TBC1D1: variants seen among roughly 807,000 people sequenced by gnomAD.
TBC1D1 encodes TBC1 (tre-2/USP6, BUB2, cdc16) domain family, member 1.
Under a neutral mutation model 125.6 loss-of-function variants are expected in TBC1D1, and 89 were observed. That is an observed-to-expected ratio of 0.71 (90% CI 0.60 to 0.85). TBC1D1 has a LOEUF of 0.85. Ranked by LOEUF, TBC1D1 falls within the 40% of genes least tolerant of loss-of-function variation. The pLI, the probability that TBC1D1 is intolerant of heterozygous loss-of-function variation, is 0.00. For synonymous variants in TBC1D1, 565 were observed against 564.1 expected (o/e 1.00, Z -0.02); for missense variants, 1,377 against 1,469.2 (o/e 0.94, Z 1.03).
At chr4:38,031,915 T>A (rs1023400726) in intron 7 of TBC1D1, among the ~76,000 whole-genome samples, 2 of 152,400 alleles carry the variant, frequency 1.3e-5, no homozygotes, top group Non-Finnish European at 2.9e-5. Flanking sequence ...TATTCTTTTA[T>A]AAATTGAAGT....
intron 2 of TBC1D1, among the ~76,000 whole-genome samples, chr4:37,907,483 C>T (rs1393419220): frequency 1.3e-5 from 2 of 152,022 alleles, no homozygotes; most frequent in African/African-American, 4.8e-5. Context: ...CGGGTTCAAG[C>T]GATTCTCCTG....
chr4:38,076,847 C>T (rs548674837), intron 12 of TBC1D1, among the ~76,000 whole-genome samples: 89 of 152,156 alleles, frequency 5.8e-4, no homozygotes, highest in Non-Finnish European at 9.4e-4. Flanking sequence ...CTCCTGGGCC[C>T]GAGAGGGAAA....
At chr4:38,074,427 A>G (rs912199455) in intron 12 of TBC1D1, among the ~76,000 whole-genome samples, 1 of 152,206 alleles carries the variant, frequency 6.6e-6, no homozygotes, top group African/African-American at 2.4e-5. Context: ...TGAGCACACA[A>G]TGACCAGGCT....
At position 38,052,056 on chromosome 4, in the gene TBC1D1, A is replaced by G. The variant is rs1340985320; in HGVS notation, c.1911-2143A>G. On this transcript the variant is annotated intron_variant, in intron 11 of 19. Coordinates refer to ENST00000261439, the MANE Select transcript of TBC1D1 (RefSeq NM_015173.4). ...AGAACAAAGTGGGAATGCTGTGCCAAAGAGGTGAGCACACTCACGTGGCAA... is the reference window on the plus strand; with the variant it reads ...AGAACAAAGTGGGAATGCTGTGCCAGAGAGGTGAGCACACTCACGTGGCAA... 4 of 1,550,836 alleles carry G rather than the reference A, an allele frequency of 2.6e-6. No individual in the cohort carries two copies. In the Admixed American group the frequency reaches 7.8e-5, roughly 30 times the overall value.
chr4:38,063,787 C>T (rs1753192991), intron 12 of TBC1D1, among the ~76,000 whole-genome samples: 1 of 152,090 alleles, frequency 6.6e-6, no homozygotes. Context: ...CCCCACCAAG[C>T]CTGGCTAATT....
At chr4:38,006,593 C>A (rs1468052921) in intron 2 of TBC1D1, among the ~76,000 whole-genome samples, 1 of 151,690 alleles carries the variant, frequency 6.6e-6, no homozygotes, top group Non-Finnish European at 1.5e-5. Flanking sequence ...ATGCTCCTGC[C>A]TCAGCCTCCC....
intron 11 of TBC1D1, among the ~76,000 whole-genome samples, chr4:38,052,488 T>G (rs756892187): frequency 6.6e-6 from 1 of 151,626 alleles, no homozygotes; most frequent in East Asian, 1.9e-4. Flanking sequence ...CACGCCACCA[T>G]GCCCGGCTAA....
chr4:37,914,467 A>C (rs946578512), intron 2 of TBC1D1, among the ~76,000 whole-genome samples: 5 of 152,178 alleles, frequency 3.3e-5, no homozygotes, highest in Admixed American at 2.0e-4. Flanking sequence ...CATTGCAAAT[A>C]CACCACTTCC....
At chr4:38,135,911 CGTGTGTGT>C (rs200513658) in intron 19 of TBC1D1, among the ~76,000 whole-genome samples, 41 of 129,934 alleles carry the variant, frequency 3.2e-4, no homozygotes, top group Non-Finnish European at 4.5e-4. Context: ...TGTATATATA[CGTGTGTGT>C]GTATATGTGT....
chr4:38,043,050 C>T (rs1480839903), intron 8 of TBC1D1, among the ~76,000 whole-genome samples: 2 of 151,888 alleles, frequency 1.3e-5, no homozygotes, highest in African/African-American at 2.4e-5. Flanking sequence ...TACAGGTGTG[C>T]GCCACTACAC....
intron 8 of TBC1D1, among the ~76,000 whole-genome samples, chr4:38,039,076 T>C (rs1053683308): frequency 2.7e-5 from 4 of 149,916 alleles, no homozygotes; most frequent in Non-Finnish European, 5.9e-5. Context: ...TTGCCTGTTC[T>C]GGAATTTCTT....
At chr4:38,124,280 C>T (rs978920010) in intron 17 of TBC1D1, among the ~76,000 whole-genome samples, 5 of 152,154 alleles carry the variant, frequency 3.3e-5, no homozygotes, top group African/African-American at 9.7e-5. Flanking sequence ...GGTTGCTGCT[C>T]GGCCGCTTGC....
intron 2 of TBC1D1, among the ~76,000 whole-genome samples, chr4:37,940,669 A>G (rs1725376770): frequency 6.6e-6 from 1 of 152,142 alleles, no homozygotes; most frequent in African/African-American, 2.4e-5. Context: ...TTTGTCATAG[A>G]TAGCTCTTAT....
At chr4:38,088,973 A>G (rs1757994066) in intron 12 of TBC1D1, among the ~76,000 whole-genome samples, 1 of 152,220 alleles carries the variant, frequency 6.6e-6, no homozygotes, top group Non-Finnish European at 1.5e-5. Flanking sequence ...ACACAGTAAC[A>G]TCCTCCTATA....
intron 2 of TBC1D1, among the ~76,000 whole-genome samples, chr4:37,956,847 G>A (rs1473362833): frequency 2.6e-5 from 4 of 151,780 alleles, no homozygotes; most frequent in Non-Finnish European, 5.9e-5. Context: ...GCTGAGGCAC[G>A]AGAATCACTT....
At chr4:38,051,744 G>A (rs1323735574) in intron 11 of TBC1D1, among the ~76,000 whole-genome samples, 155 bp from the exon 12 acceptor site, 1 of 152,208 alleles carries the variant, frequency 6.6e-6, no homozygotes, top group African/African-American at 2.4e-5. Context: ...AGCGAGCAGA[G>A]ATGAGGAAAA....
chr4:38,033,527 T>G (rs879383390), intron 7 of TBC1D1, among the ~76,000 whole-genome samples: 1 of 152,226 alleles, frequency 6.6e-6, no homozygotes, highest in Non-Finnish European at 1.5e-5. Context: ...GGTTTCTTCA[T>G]TATAATTGAT....
intron 6 of TBC1D1, among the ~76,000 whole-genome samples, chr4:38,024,825 T>C (rs1560640761): frequency 6.6e-6 from 1 of 152,216 alleles, no homozygotes; most frequent in Non-Finnish European, 1.5e-5. Context: ...TCTGTAAAAC[T>C]GTGGAGAGGA....
At chr4:38,054,673 A>G (rs1751354104) in intron 12 of TBC1D1, among the ~76,000 whole-genome samples, 1 of 152,208 alleles carries the variant, frequency 6.6e-6, no homozygotes, top group Admixed American at 6.5e-5. Context: ...GACTGAGGCA[A>G]GTTTTAGAGC....
Sources: allele counts gnomAD v4.1 joint callset (sites outside exome capture counted in the v4.1 genomes callset), GRCh38; gene constraint gnomAD v4.1.1; transcripts MANE v1.5; gene names NCBI Gene and HGNC (gene_info 2026-07-23, HGNC 2026-07-21).